PRR16: variants seen among roughly 807,000 people sequenced by gnomAD.
PRR16 encodes the protein protein Largen.
In PRR16, 6 loss-of-function variants were observed where a neutral mutation model predicts 18.2. The ratio of observed to expected loss-of-function variants is 0.33; its 90% CI spans 0.18 to 0.65. PRR16 has a LOEUF of 0.65. Among genes scored for constraint, PRR16 ranks in the 30% least tolerant of loss-of-function variants. PRR16 has a pLI of 0.74. For synonymous variants in PRR16, 151 were observed against 147.8 expected (o/e 1.02, Z -0.16); for missense variants, 412 against 376.6 (o/e 1.09, Z -0.78).
chr5:120,710,258 C>T, the PRR16 span, among the ~76,000 whole-genome samples: 1 of 152,142 alleles, frequency 6.6e-6, no homozygotes, highest in African/African-American at 2.4e-5. Flanking sequence ...AGCATCATAG[C>T]TCCAGGGGTA....
chr5:120,765,561 A>G, the PRR16 span, among the ~76,000 whole-genome samples: 1 of 152,038 alleles, frequency 6.6e-6, no homozygotes, highest in Non-Finnish European at 1.5e-5. Flanking sequence ...TAATACAAAA[A>G]TTAACCTCTT....
At chr5:120,733,208 C>A in the PRR16 span, among the ~76,000 whole-genome samples, 3 of 152,100 alleles carry the variant, frequency 2.0e-5, no homozygotes, top group East Asian at 3.9e-4. Flanking sequence ...TGCAGTGGCT[C>A]AATTATAGCT....
At chr5:120,585,386 G>A (rs1018606561) in intron 1 of PRR16, among the ~76,000 whole-genome samples, 6 of 152,062 alleles carry the variant, frequency 3.9e-5, no homozygotes, top group Admixed American at 3.3e-4. Flanking sequence ...GAGATGGGCA[G>A]GTCACTTGAG....
chr5:120,540,751 A>T (rs533904372), intron 1 of PRR16, among the ~76,000 whole-genome samples: 3 of 152,276 alleles, frequency 2.0e-5, no homozygotes, highest in African/African-American at 7.2e-5. Context: ...AAAATTCCAA[A>T]AATTGCAACC....
intron 1 of PRR16, among the ~76,000 whole-genome samples, chr5:120,505,048 A>G (rs963355613): frequency 6.6e-6 from 1 of 152,172 alleles, no homozygotes; most frequent in Non-Finnish European, 1.5e-5. Context: ...CTGGGGAATC[A>G]TGCTATATTT....
intron 1 of PRR16, among the ~76,000 whole-genome samples, chr5:120,587,541 A>G (rs116093285): frequency 0.017 from 2,563 of 152,302 alleles, 80 homozygotes; most frequent in African/African-American, 0.058. Flanking sequence ...TGCTAAATCT[A>G]CTTTGCCCTT....
At chr5:120,627,187 C>T (rs1386460396) in intron 1 of PRR16, among the ~76,000 whole-genome samples, 1 of 152,112 alleles carries the variant, frequency 6.6e-6, no homozygotes, top group Non-Finnish European at 1.5e-5. Context: ...AGACAACAGT[C>T]ATACAGGGAT....
chr5:120,704,632 T>A, the PRR16 span, among the ~76,000 whole-genome samples: 94 of 152,290 alleles, frequency 6.2e-4, 1 homozygote, highest in South Asian at 0.018. Flanking sequence ...AACATCAGAA[T>A]CACTTGGGAA....
At chr5:120,732,114 T>C in the PRR16 span, among the ~76,000 whole-genome samples, 1 of 152,178 alleles carries the variant, frequency 6.6e-6, no homozygotes. Context: ...CATCATTTCT[T>C]TAGACCAAGA....
chr5:120,518,860 G>A (rs1163551630), intron 1 of PRR16, among the ~76,000 whole-genome samples: 1 of 152,070 alleles, frequency 6.6e-6, no homozygotes, highest in Non-Finnish European at 1.5e-5. Flanking sequence ...TGTCATGGCT[G>A]GAACTAGAGG....
chr5:120,649,340 TG>T, intron 1 of PRR16, among the ~76,000 whole-genome samples: 1 of 152,152 alleles, frequency 6.6e-6, no homozygotes, highest in Non-Finnish European at 1.5e-5. Context: ...AGATTTATAG[TG>T]TATGACAGTC....
At chr5:120,492,845 A>G (rs1039009697) in intron 1 of PRR16, among the ~76,000 whole-genome samples, 2 of 152,222 alleles carry the variant, frequency 1.3e-5, no homozygotes, top group Non-Finnish European at 2.9e-5. Flanking sequence ...TTCACTTAGA[A>G]TAATGGCCTC....
chr5:120,717,923 C>T, the PRR16 span, among the ~76,000 whole-genome samples: 4 of 152,108 alleles, frequency 2.6e-5, no homozygotes, highest in African/African-American at 9.7e-5. Context: ...CTGAGCCTTG[C>T]ATTCAGTACT....
the PRR16 span, among the ~76,000 whole-genome samples, chr5:120,720,409 C>T: frequency 1.3e-5 from 2 of 151,906 alleles, no homozygotes; most frequent in Non-Finnish European, 2.9e-5. Context: ...CATCTTTCTT[C>T]TACATATAAA....
the PRR16 span, among the ~76,000 whole-genome samples, chr5:120,706,488 G>T: frequency 1.3e-5 from 2 of 152,062 alleles, no homozygotes; most frequent in Admixed American, 6.6e-5. Flanking sequence ...AAACACACAA[G>T]GAATTTTTTT....
chr5:120,569,931 A>T (rs1205787773), intron 1 of PRR16, among the ~76,000 whole-genome samples: 1 of 152,148 alleles, frequency 6.6e-6, no homozygotes, highest in Non-Finnish European at 1.5e-5. Flanking sequence ...AGAAAAATGG[A>T]GATTGTTAGA....
At chr5:120,727,394 G>T in the PRR16 span, among the ~76,000 whole-genome samples, 1 of 152,026 alleles carries the variant, frequency 6.6e-6, no homozygotes, top group African/African-American at 2.4e-5. Context: ...TGCCTAATCT[G>T]TATGTTCACA....
At chr5:120,680,773 C>A (rs1396149466) in intron 1 of PRR16, among the ~76,000 whole-genome samples, 1 of 152,156 alleles carries the variant, frequency 6.6e-6, no homozygotes, top group Non-Finnish European at 1.5e-5. Context: ...CTCAAGTTTG[C>A]ATGACCTCAA....
intron 1 of PRR16, among the ~76,000 whole-genome samples, chr5:120,561,653 G>T: frequency 2.0e-5 from 3 of 152,216 alleles, no homozygotes; most frequent in Admixed American, 2.0e-4. Flanking sequence ...TCCCCACCCA[G>T]ATTTCATCTT....
Sources: gnomAD v4.1 joint callset for allele counts (sites outside exome capture counted in the v4.1 genomes callset) on GRCh38, gnomAD v4.1.1 for gene constraint, MANE v1.5 for transcripts, NCBI Gene and HGNC (gene_info 2026-07-23, HGNC 2026-07-21) for gene names.